Variants in ZDHHC14 observed in about 807,000 individuals in gnomAD.
The protein encoded by ZDHHC14 is palmitoyltransferase ZDHHC14.
ZDHHC14 carries 16 observed loss-of-function variants against 47.7 expected under a neutral mutation model. The observed-to-expected ratio is 0.34, with a 90% CI of 0.23 to 0.51. The LOEUF (loss-of-function observed/expected upper bound fraction) is 0.51, where lower values mean the gene tolerates loss of function less well. Ranked by LOEUF, ZDHHC14 falls within the 20% of genes least tolerant of loss-of-function variation. ZDHHC14 has a pLI of 0.97. For missense variants in ZDHHC14, 515 were observed against 662.5 expected (o/e 0.78, Z 2.44); for synonymous variants, 293 against 278.9 (o/e 1.05, Z -0.50).
chr6:157,662,261 A>G (rs757702444), intron 8 of ZDHHC14, among the ~76,000 whole-genome samples: 6 of 150,644 alleles, frequency 4.0e-5, no homozygotes, highest in Non-Finnish European at 7.4e-5. Context: ...TGCTCACTGC[A>G]CTCTTGACCT....
intron 2 of ZDHHC14, among the ~76,000 whole-genome samples, chr6:157,588,094 TA>T (rs1033434770): frequency 6.6e-6 from 1 of 151,578 alleles, no homozygotes; most frequent in Non-Finnish European, 1.5e-5. Flanking sequence ...CTGTCTCTAC[TA>T]AAAAAAACAC....
chr6:157,496,251 C>T (rs1780061395), intron 1 of ZDHHC14, among the ~76,000 whole-genome samples: 1 of 151,982 alleles, frequency 6.6e-6, no homozygotes, highest in South Asian at 2.1e-4. Flanking sequence ...CACGGTGGTC[C>T]CACCAGTTCA....
chr6:157,539,945 A>G (rs1198350856), intron 1 of ZDHHC14, among the ~76,000 whole-genome samples: 1 of 152,124 alleles, frequency 6.6e-6, no homozygotes, highest in Non-Finnish European at 1.5e-5. Context: ...CAGAGAAGTC[A>G]CTAGACCTGC....
At chr6:157,626,437 T>C (rs4709454) in intron 3 of ZDHHC14, among the ~76,000 whole-genome samples, 63,872 of 152,108 alleles carry the variant, frequency 0.42, 14,240 homozygotes, top group East Asian at 0.86. Flanking sequence ...ATAGATAGAT[T>C]TCTCATGATA....
At chr6:157,498,151 G>A (rs533315992) in intron 1 of ZDHHC14, among the ~76,000 whole-genome samples, 17 of 152,214 alleles carry the variant, frequency 1.1e-4, no homozygotes, top group East Asian at 1.9e-4. Context: ...ATAAAGAGCC[G>A]GGGGGCTGGG....
intron 1 of ZDHHC14, among the ~76,000 whole-genome samples, chr6:157,415,359 C>T (rs1287317838): frequency 6.6e-6 from 1 of 152,064 alleles, no homozygotes; most frequent in Non-Finnish European, 1.5e-5. Context: ...CACTCTCAGA[C>T]AAATTGGTAG....
At chr6:157,438,242 A>C (rs1354297638) in intron 1 of ZDHHC14, among the ~76,000 whole-genome samples, 2 of 152,236 alleles carry the variant, frequency 1.3e-5, no homozygotes, top group African/African-American at 4.8e-5. Flanking sequence ...TCCTGGCAAG[A>C]AGAATGCAAG....
At chr6:157,409,932 G>A (rs752021307) in intron 1 of ZDHHC14, among the ~76,000 whole-genome samples, 19 of 152,056 alleles carry the variant, frequency 1.2e-4, no homozygotes, top group Non-Finnish European at 2.2e-4. Flanking sequence ...GGGTTTAAGC[G>A]ATTCTTGTGT....
At chr6:157,650,034 C>T (rs1583073139) in intron 7 of ZDHHC14, among the ~76,000 whole-genome samples, 1 of 148,946 alleles carries the variant, frequency 6.7e-6, no homozygotes, top group East Asian at 2.0e-4. Flanking sequence ...GCTGGGGGTG[C>T]ACGGGAGAGG....
At chr6:157,598,599 T>G (rs1784221233) in intron 3 of ZDHHC14, among the ~76,000 whole-genome samples, 1 of 152,216 alleles carries the variant, frequency 6.6e-6, no homozygotes, top group African/African-American at 2.4e-5. Flanking sequence ...AGAATTAAAT[T>G]ACCAACATTT....
chr6:157,593,103 G>A lies in ZDHHC14; in HGVS notation c.522G>A (p.Arg174=), dbSNP rs980622542. 1.2e-6 allele frequency: 2 copies of A among 1,613,922 alleles called. No individual in the cohort carries two copies. The highest frequency in any genetic ancestry group is 1.3e-5 in the African/African-American group (1 of 74,926). The change falls in exon 3 of 9, where the codon CGG becomes CGA. Residue 174 remains arginine (R), a synonymous_variant. Transcript: ENST00000359775. ...LKYCFTCKIF[R]PPRASHCSLC... The stretch of plus-strand genomic sequence containing the variant: ...ACTGTTTCACCTGCAAGATTTTCCG[G>A]CCCCCTCGCGCCTCCCATTGCAGCC...
At chr6:157,657,214 T>C (rs1778142313) in intron 8 of ZDHHC14, among the ~76,000 whole-genome samples, 1 of 152,078 alleles carries the variant, frequency 6.6e-6, no homozygotes, top group Non-Finnish European at 1.5e-5. Context: ...CATGCCCAGC[T>C]AATTTTTGCA....
chr6:157,523,417 T>G (rs1214638496), intron 1 of ZDHHC14, among the ~76,000 whole-genome samples: 2 of 152,116 alleles, frequency 1.3e-5, no homozygotes, highest in African/African-American at 4.8e-5. Context: ...TGTATCCTCT[T>G]GAGGGTTCTA....
chr6:157,560,922 C>T (rs983447354), intron 2 of ZDHHC14, among the ~76,000 whole-genome samples: 2 of 152,104 alleles, frequency 1.3e-5, no homozygotes, highest in Non-Finnish European at 2.9e-5. Context: ...TGAGGCGTGG[C>T]GTGTCTAATC....
chr6:157,489,912 G>A (rs1194695664), intron 1 of ZDHHC14, among the ~76,000 whole-genome samples: 4 of 152,148 alleles, frequency 2.6e-5, no homozygotes, highest in Non-Finnish European at 5.9e-5. Context: ...AGAGAAGAAA[G>A]GATTAGCTGG....
At chr6:157,651,071 G>A (rs1777812140) in intron 7 of ZDHHC14, among the ~76,000 whole-genome samples, 1 of 152,234 alleles carries the variant, frequency 6.6e-6, no homozygotes, top group African/African-American at 2.4e-5. Context: ...TCCCTCTGCG[G>A]CTCTCTTGGG....
chr6:157,621,692 T>C (rs767546659), intron 3 of ZDHHC14, among the ~76,000 whole-genome samples: 1 of 152,234 alleles, frequency 6.6e-6, no homozygotes, highest in Non-Finnish European at 1.5e-5. Context: ...ACCCGACTTC[T>C]GGGAGAGTTC....
At chr6:157,641,015 T>G (rs144589002) in intron 5 of ZDHHC14, among the ~76,000 whole-genome samples, 57 of 152,342 alleles carry the variant, frequency 3.7e-4, no homozygotes, top group South Asian at 1.0e-3. Context: ...GGACTCTTTT[T>G]TTTGCATGGT....
At chr6:157,667,696 C>T (rs1184591454) in intron 8 of ZDHHC14, among the ~76,000 whole-genome samples, 4 of 152,116 alleles carry the variant, frequency 2.6e-5, no homozygotes, top group African/African-American at 9.6e-5. Context: ...GCCATTTTCC[C>T]CCATGACTTT....
Sources: gnomAD v4.1 joint callset for allele counts (sites outside exome capture counted in the v4.1 genomes callset) on GRCh38, gnomAD v4.1.1 for gene constraint, MANE v1.5 for transcripts, NCBI Gene and HGNC (gene_info 2026-07-23, HGNC 2026-07-21) for gene names.